Variants in AGL observed in about 807,000 individuals in gnomAD.
AGL encodes the protein amylo-alpha-1,6-glucosidase and 4-alpha-glucanotransferase.
AGL carries 128 observed loss-of-function variants against 199.3 expected under a neutral mutation model. That is an observed-to-expected ratio of 0.64 (90% CI 0.56 to 0.74). The LOEUF is 0.74. Ranked by LOEUF, AGL falls within the 30% of genes least tolerant of loss-of-function variation. AGL has a pLI of 0.00. For missense variants in AGL, 1,809 were observed against 1,820.8 expected, an observed-to-expected ratio of 0.99 and a Z score of 0.12; for synonymous variants, 584 against 594.7, an observed-to-expected ratio of 0.98 and a Z score of 0.26.
chr1:99,879,495 A>C (rs901730578), intron 12 of AGL, among the ~76,000 whole-genome samples: 1 of 152,006 alleles, frequency 6.6e-6, no homozygotes, highest in African/African-American at 2.4e-5. Flanking sequence ...GAGGCTGGAG[A>C]ATTTCTTGAA....
At chr1:99,893,288 C>T (rs1653048138) in intron 24 of AGL, among the ~76,000 whole-genome samples, 1 of 152,062 alleles carries the variant, frequency 6.6e-6, no homozygotes, top group Non-Finnish European at 1.5e-5. Context: ...CCTCTTTTAC[C>T]CTTAAATTTG....
intron 26 of AGL, among the ~76,000 whole-genome samples, chr1:99,901,925 T>G (rs2100822572): frequency 6.6e-6 from 1 of 152,290 alleles, no homozygotes; most frequent in Non-Finnish European, 1.5e-5. Flanking sequence ...TGAATATAGG[T>G]TCATGCTATC....
chr1:99,870,274 A>C lies in AGL; in HGVS notation c.665-126A>C, dbSNP rs1181666525. The C allele has an allele frequency of 1.8e-5, 18 of 987,478 alleles. No homozygotes were observed. In the East Asian group the frequency reaches 4.4e-4, roughly 24 times the overall value. The allele number at this position is 987,478 out of a possible 1,614,324, so 61.2% of individuals were successfully genotyped here. On this transcript the variant is annotated intron_variant, in intron 5 of 33. Coordinates refer to ENST00000361915, the MANE Select transcript of AGL (RefSeq NM_000642.3). Reference sequence around the variant, plus strand: ...TTTTCCTGTAACAGTATCATCGTAAAATTGATGTCCAATATAGAAAAAAAT... The same window carrying C: ...TTTTCCTGTAACAGTATCATCGTAACATTGATGTCCAATATAGAAAAAAAT...
rs777686689 is a variant in AGL at position 99,902,705 on chromosome 1, T to C, written c.3611T>C (p.Ile1204Thr). The change falls in exon 27 of 34, where the codon ATA becomes ACA. Residue 1204 changes from isoleucine (I) to threonine (T), a missense_variant. Physicochemically the swap from Ile to Thr is moderately conservative, Grantham distance 89 (BLOSUM62 -1). Coordinates refer to ENST00000361915, the MANE Select transcript of AGL (RefSeq NM_000642.3). ...CAGGATCAGCCATTGTTTGAAGTCATACAGGAAGCAATGCAAAAACACATG... is the reference window on the plus strand; with the variant it reads ...CAGGATCAGCCATTGTTTGAAGTCACACAGGAAGCAATGCAAAAACACATG... ...GTLDQPLFEV[I>T]QEAMQKHMQG... 3.4e-5 allele frequency: 55 copies of C among 1,613,194 alleles called. No individual in the cohort carries two copies. The highest frequency in any genetic ancestry group is 4.7e-5 in the Non-Finnish European group (55 of 1,179,402).
intron 24 of AGL, among the ~76,000 whole-genome samples, chr1:99,896,083 G>A (rs1329575585): frequency 6.6e-6 from 1 of 152,162 alleles, no homozygotes; most frequent in African/African-American, 2.4e-5. Flanking sequence ...TTAGGAATCT[G>A]ACAAGATAAT....
intron 31 of AGL, among the ~76,000 whole-genome samples, 172 bp downstream of exon 31, chr1:99,915,658 C>A (rs1013885422): frequency 4.0e-5 from 6 of 151,678 alleles, no homozygotes; most frequent in African/African-American, 1.5e-4. Flanking sequence ...GTAGTCCTAG[C>A]TACTCAGGAG....
intron 26 of AGL, 135 bp from the exon 27 acceptor site, chr1:99,902,548 C>A: frequency 1.4e-6 from 1 of 709,070 alleles, no homozygotes; most frequent in Non-Finnish European, 2.6e-6. Context: ...TGCTTCTTCC[C>A]TGGCCTCACC....
intron 7 of AGL, among the ~76,000 whole-genome samples, chr1:99,871,411 C>T (rs1420642045): frequency 2.7e-4 from 1 of 3,716 alleles, no homozygotes; most frequent in Non-Finnish European, 3.7e-4. Context: ...AGTTAATGTG[C>T]CCCCCCCCCC....
At position 99,862,151 on chromosome 1, in the gene AGL, C is replaced by T. The variant is rs576295669; in HGVS notation, c.294-106C>T. ...GATTTTATGTGCTTAGAAATAAATA[C>T]ATTTTATTTGGGACAATTAACCTTT... On this transcript the variant is annotated intron_variant, in intron 3 of 33. Transcript: ENST00000361915. 29 of 1,132,954 alleles carry T rather than the reference C, an allele frequency of 2.6e-5. No individual in the cohort carries two copies. In the East Asian group the frequency reaches 6.1e-4, roughly 24 times the overall value. 70.2% of individuals were successfully genotyped at this position (1,132,954 alleles called of 1,614,324 possible). A position where few individuals can be genotyped will look rare whatever the true frequency, so the allele number is the denominator to read the frequency against.
chr1:99,909,098 G>A (rs1570500987), intron 27 of AGL, among the ~76,000 whole-genome samples: 3 of 152,154 alleles, frequency 2.0e-5, no homozygotes, highest in African/African-American at 7.2e-5. Flanking sequence ...TCACTGCTGG[G>A]CAGGGCATGG....
intron 5 of AGL, among the ~76,000 whole-genome samples, chr1:99,869,957 T>C (rs887404057): frequency 6.6e-6 from 1 of 152,182 alleles, no homozygotes; most frequent in Non-Finnish European, 1.5e-5. Context: ...AAACAAATTA[T>C]CTTCAATGTT....
rs887582166 is a variant in AGL at position 99,875,209 on chromosome 1, G to A, written c.1138G>A (p.Glu380Lys). ...TAATTGGTTTCATAAAAGAATGGAGGAATTAAATTCAGAGAAGCATCGACT... is the reference window on the plus strand; with the variant it reads ...TAATTGGTTTCATAAAAGAATGGAGAAATTAAATTCAGAGAAGCATCGACT... ...CCNWFHKRME[E>K]LNSEKHRLIN... is the part of the protein sequence containing the mutation. Residue 380 changes from glutamate to lysine, a missense_variant, in exon 9 of 34, where the codon GAA (glutamate) becomes AAA (lysine). By Grantham distance (56) the Glu-to-Lys change is moderately conservative. Coordinates refer to ENST00000361915, the MANE Select transcript of AGL (RefSeq NM_000642.3). 1.9e-6 allele frequency: 3 copies of A among 1,614,144 alleles called. No homozygotes were observed. The highest frequency in any genetic ancestry group is 1.7e-6 in the Non-Finnish European group (2 of 1,180,002).
At chr1:99,901,506 G>A (rs1473117111) in intron 26 of AGL, among the ~76,000 whole-genome samples, 2 of 151,760 alleles carry the variant, frequency 1.3e-5, no homozygotes, top group Admixed American at 6.6e-5. Flanking sequence ...TATAAAATAC[G>A]TTTTGTGAAA....
chr1:99,854,263 C>T (rs1649223194), intron 2 of AGL, among the ~76,000 whole-genome samples: 1 of 152,144 alleles, frequency 6.6e-6, no homozygotes, highest in African/African-American at 2.4e-5. Flanking sequence ...GTGCAGTGTA[C>T]TGCTGATTGA....
chr1:99,853,614 C>T (rs1649155757), intron 2 of AGL, among the ~76,000 whole-genome samples: 1 of 152,292 alleles, frequency 6.6e-6, no homozygotes, highest in South Asian at 2.1e-4. Flanking sequence ...TTGATGAGGG[C>T]AGGTGACTCA....
intron 27 of AGL, among the ~76,000 whole-genome samples, chr1:99,909,991 A>T (rs2100846795): frequency 6.6e-6 from 1 of 152,344 alleles, no homozygotes; most frequent in East Asian, 1.9e-4. Context: ...CAGATATTAG[A>T]TATACCAGTA....
At chr1:99,882,711 A>T (rs1486411325) in intron 17 of AGL, among the ~76,000 whole-genome samples, 2 of 152,114 alleles carry the variant, frequency 1.3e-5, no homozygotes. Flanking sequence ...GGTGTATTTT[A>T]TTGTCTTACT....
intron 2 of AGL, among the ~76,000 whole-genome samples, chr1:99,856,968 C>G (rs998387705): frequency 6.6e-6 from 1 of 152,228 alleles, no homozygotes; most frequent in East Asian, 1.9e-4. Context: ...ACCTCCCAGA[C>G]GGGGTGGTGG....
chr1:99,875,577 A>T, intron 10 of AGL, 122 bp downstream of exon 10: 1 of 896,774 alleles, frequency 1.1e-6, no homozygotes. Flanking sequence ...AAATTGAAAT[A>T]GAAGTTTTGA....
Sources: gnomAD v4.1 joint callset for allele counts (sites outside exome capture counted in the v4.1 genomes callset) on GRCh38, gnomAD v4.1.1 for gene constraint, MANE v1.5 for transcripts, NCBI Gene and HGNC (gene_info 2026-07-23, HGNC 2026-07-21) for gene names.